SCAPER: variants seen among roughly 807,000 people sequenced by gnomAD.
SCAPER encodes the protein S phase cyclin A-associated protein in the endoplasmic reticulum.
A neutral mutation model predicts 182.2 loss-of-function variants in SCAPER; 98 were observed. That is an observed-to-expected ratio of 0.54 (90% confidence interval 0.46 to 0.64). The LOEUF is 0.64. SCAPER is among the 30% of genes least tolerant of loss of function. The pLI, the probability that SCAPER is intolerant of heterozygous loss-of-function variation, is 0.00. For synonymous variants in SCAPER, 605 were observed against 564.6 expected, an observed-to-expected ratio of 1.07 and a Z score of -1.01; for missense variants, 1,432 against 1,690.0, an observed-to-expected ratio of 0.85 and a Z score of 2.68.
chr15:76,859,743 T>A (rs922820932), intron 3 of SCAPER, among the ~76,000 whole-genome samples: 1 of 152,064 alleles, frequency 6.6e-6, no homozygotes, highest in East Asian at 1.9e-4. Context: ...TTTTGTTTTG[T>A]TTTTTTGAGA....
chr15:76,437,300 A>G (rs1305626748), intron 25 of SCAPER, among the ~76,000 whole-genome samples: 1 of 151,712 alleles, frequency 6.6e-6, no homozygotes, highest in Non-Finnish European at 1.5e-5. Flanking sequence ...TGTGGCACAA[A>G]TTTTCTTCTG....
chr15:76,464,439 C>T (rs2049436770), intron 25 of SCAPER, among the ~76,000 whole-genome samples: 1 of 151,998 alleles, frequency 6.6e-6, no homozygotes, highest in Non-Finnish European at 1.5e-5. Context: ...CCCAAATCTG[C>T]ATATTCTCAA....
intron 1 of SCAPER, among the ~76,000 whole-genome samples, chr15:76,898,306 TA>T (rs2074546049): frequency 6.6e-6 from 1 of 152,218 alleles, no homozygotes; most frequent in African/African-American, 2.4e-5. Flanking sequence ...AGTGGAAATG[TA>T]AACCGGTACA....
At chr15:76,765,675 T>G (rs772415606) in intron 11 of SCAPER, 37 bp from the exon 12 acceptor site, 1 of 1,466,262 alleles carries the variant, frequency 6.8e-7, no homozygotes. Context: ...ATCAAATCTT[T>G]GAACACAATT....
chr15:76,583,999 C>G (rs979483758), intron 22 of SCAPER, among the ~76,000 whole-genome samples: 1 of 151,866 alleles, frequency 6.6e-6, no homozygotes, highest in African/African-American at 2.4e-5. Flanking sequence ...TTCATAATAG[C>G]CAAGATTTGG....
At chr15:76,555,090 G>C (rs983002750) in intron 23 of SCAPER, among the ~76,000 whole-genome samples, 1 of 151,956 alleles carries the variant, frequency 6.6e-6, no homozygotes, top group African/African-American at 2.4e-5. Flanking sequence ...CATATATTCA[G>C]CATTCTTAAA....
intron 24 of SCAPER, among the ~76,000 whole-genome samples, chr15:76,479,604 G>A (rs1169677814): frequency 6.6e-6 from 1 of 152,054 alleles, no homozygotes; most frequent in African/African-American, 2.4e-5. Context: ...ATAAGTGCAG[G>A]ACATATAGAA....
rs866795665 is a variant in SCAPER at position 76,528,752 on chromosome 15, T to C, written c.2839-23778A>G. On this transcript the variant is annotated intron_variant, in intron 23 of 31. Transcript: ENST00000563290. ...GAAAGATCTTTCCAAAATGCAAACT[T>C]TATCACTTCATTCTTCCTTCAGTGG... 3.9e-5 allele frequency among the ~76,000 whole-genome samples: 6 copies of C among 152,286 alleles called. No homozygotes were observed. In the South Asian group the frequency reaches 8.3e-4, roughly 21 times the overall value.
intron 26 of SCAPER, among the ~76,000 whole-genome samples, chr15:76,428,866 CTATATATATATATATA>C (rs375991391): frequency 8.8e-5 from 7 of 79,914 alleles, no homozygotes; most frequent in African/African-American, 2.2e-4. Flanking sequence ...GATCATTATA[CTATATATATATATATA>C]TATATATATA....
intron 27 of SCAPER, among the ~76,000 whole-genome samples, chr15:76,392,664 T>C (rs560792480): frequency 2.6e-5 from 4 of 152,240 alleles, no homozygotes; most frequent in African/African-American, 4.8e-5. Context: ...GGTTGGAGGA[T>C]AGATTGAGCC....
At chr15:76,596,610 T>C (rs2049518281) in intron 22 of SCAPER, among the ~76,000 whole-genome samples, 1 of 121,086 alleles carries the variant, frequency 8.3e-6, no homozygotes, top group African/African-American at 2.5e-5. Context: ...AAAAAGCTTA[T>C]CTACCATGAT....
chr15:76,420,802 G>A (rs1294947541), intron 26 of SCAPER, among the ~76,000 whole-genome samples: 4 of 152,150 alleles, frequency 2.6e-5, no homozygotes, highest in Non-Finnish European at 5.9e-5. Flanking sequence ...CCCGGTGTGT[G>A]ATGTTCCCCT....
chr15:76,699,041 G>A (rs2058792401), intron 20 of SCAPER, among the ~76,000 whole-genome samples: 2 of 152,164 alleles, frequency 1.3e-5, no homozygotes, highest in African/African-American at 2.4e-5. Context: ...GAATGAGACT[G>A]AGTTCTTGAT....
chr15:76,605,046 T>C (rs375003880), intron 22 of SCAPER, among the ~76,000 whole-genome samples: 2 of 152,196 alleles, frequency 1.3e-5, no homozygotes, highest in African/African-American at 2.4e-5. Flanking sequence ...CTGGCCAGAA[T>C]TTCCAACACT....
chr15:76,371,220 A>G (rs972735575), intron 29 of SCAPER, among the ~76,000 whole-genome samples: 7 of 152,190 alleles, frequency 4.6e-5, no homozygotes, highest in South Asian at 2.1e-4. Flanking sequence ...CAGCCTCACT[A>G]AAGTGCTACT....
intron 16 of SCAPER, among the ~76,000 whole-genome samples, chr15:76,732,347 G>C (rs911256906): frequency 6.6e-6 from 1 of 151,882 alleles, no homozygotes; most frequent in African/African-American, 2.4e-5. Flanking sequence ...TTAATCATTA[G>C]TTTGTAGCAA....
At chr15:76,692,245 T>C (rs1001295306) in intron 20 of SCAPER, among the ~76,000 whole-genome samples, 3 of 152,182 alleles carry the variant, frequency 2.0e-5, no homozygotes, top group Admixed American at 6.5e-5. Flanking sequence ...ATATTAATTA[T>C]ACCAAAGAAA....
chr15:76,617,490 G>C (rs1194873543), intron 22 of SCAPER, among the ~76,000 whole-genome samples: 1 of 152,178 alleles, frequency 6.6e-6, no homozygotes. Flanking sequence ...CCTGGGCTCA[G>C]CTAGATAATT....
intron 23 of SCAPER, among the ~76,000 whole-genome samples, chr15:76,557,322 C>G (rs1464952409): frequency 6.6e-6 from 1 of 152,188 alleles, no homozygotes; most frequent in East Asian, 1.9e-4. Context: ...GCAAAAAGAA[C>G]TAAGCTGGAG....
Sources: gnomAD v4.1 joint callset for allele counts (sites outside exome capture counted in the v4.1 genomes callset) on GRCh38, gnomAD v4.1.1 for gene constraint, MANE v1.5 for transcripts, NCBI Gene and HGNC (gene_info 2026-07-23, HGNC 2026-07-21) for gene names.